MORC1: variants seen among roughly 807,000 people sequenced by gnomAD.
MORC1 encodes the protein MORC family CW-type zinc finger protein 1.
A neutral mutation model predicts 134.9 loss-of-function variants in MORC1; 59 were observed. The observed-to-expected ratio is 0.44, with a 90% CI of 0.35 to 0.54. The LOEUF (loss-of-function observed/expected upper bound fraction) is 0.54. MORC1 is among the 20% of genes least tolerant of loss of function. The pLI, the probability that MORC1 is intolerant of heterozygous loss-of-function variation, is 0.00. For missense variants in MORC1, 947 were observed against 1,134.5 expected (o/e 0.83, Z 2.37); for synonymous variants, 395 against 391.7 (o/e 1.01, Z -0.10).
At chr3:109,070,977 A>G (rs1282494670) in intron 8 of MORC1, among the ~76,000 whole-genome samples, 1 of 152,184 alleles carries the variant, frequency 6.6e-6, no homozygotes. Context: ...TTCCCTAAAT[A>G]TTAATACTAG....
chr3:109,086,623 T>C (rs1187725208), intron 8 of MORC1, among the ~76,000 whole-genome samples: 1 of 152,006 alleles, frequency 6.6e-6, no homozygotes, highest in Non-Finnish European at 1.5e-5. Flanking sequence ...AGTAAATAAA[T>C]ACTTGTCTAA....
intron 6 of MORC1, among the ~76,000 whole-genome samples, chr3:109,098,148 T>C (rs1950861973): frequency 6.6e-6 from 1 of 152,096 alleles, no homozygotes; most frequent in South Asian, 2.1e-4. Flanking sequence ...TGGGCTCAAG[T>C]GATCCTCCCT....
intron 4 of MORC1, among the ~76,000 whole-genome samples, chr3:109,102,140 G>T (rs73853813): frequency 0.043 from 6,547 of 152,278 alleles, 265 homozygotes; most frequent in African/African-American, 0.11. Context: ...GAATTAACAG[G>T]AACGTGGCCT....
chr3:109,043,285 T>C (rs956910028), intron 14 of MORC1, among the ~76,000 whole-genome samples: 10 of 151,960 alleles, frequency 6.6e-5, no homozygotes, highest in African/African-American at 2.2e-4. Flanking sequence ...GAGGACATTA[T>C]GCTAAGTGAA....
At chr3:109,054,923 T>C (rs370623266) in intron 13 of MORC1, 41 bp from the exon 14 acceptor site, 2 of 1,552,198 alleles carry the variant, frequency 1.3e-6, no homozygotes, top group Non-Finnish European at 1.7e-6. Flanking sequence ...AAAATTTGGC[T>C]AAAGAAAAAA....
chr3:109,004,443 A>C (rs1028887784), intron 20 of MORC1, among the ~76,000 whole-genome samples: 3 of 152,216 alleles, frequency 2.0e-5, no homozygotes, highest in Non-Finnish European at 2.9e-5. Flanking sequence ...TGCACCTAGC[A>C]CAGGGTAAAT....
chr3:108,983,657 G>C (rs1293103309), intron 23 of MORC1, among the ~76,000 whole-genome samples: 1 of 152,162 alleles, frequency 6.6e-6, no homozygotes, highest in Non-Finnish European at 1.5e-5. Context: ...TCAGATCACA[G>C]AATTTAACAA....
intron 17 of MORC1, among the ~76,000 whole-genome samples, chr3:109,011,709 C>T (rs371674818): frequency 2.6e-5 from 4 of 151,956 alleles, no homozygotes; most frequent in Admixed American, 1.3e-4. Context: ...TTAGCAGAGA[C>T]GGGGTTTCTC....
chr3:109,024,556 C>A (rs1305949955), intron 17 of MORC1, among the ~76,000 whole-genome samples: 2 of 152,102 alleles, frequency 1.3e-5, no homozygotes, highest in Non-Finnish European at 2.9e-5. Flanking sequence ...GATCAAGATG[C>A]CTGCTACCAT....
intron 20 of MORC1, among the ~76,000 whole-genome samples, chr3:109,003,423 ACACACACG>A (rs1270645514): frequency 3.5e-5 from 5 of 143,722 alleles, no homozygotes; most frequent in Admixed American, 1.4e-4. Context: ...ACACACACAC[ACACACACG>A]CATGCATACT....
chr3:109,078,009 G>T (rs1049851135), intron 8 of MORC1, among the ~76,000 whole-genome samples: 2 of 152,028 alleles, frequency 1.3e-5, no homozygotes, highest in African/African-American at 4.8e-5. Flanking sequence ...AGACACAGAC[G>T]GGCATTATGT....
chr3:109,106,796 C>T (rs1363581555), intron 3 of MORC1, among the ~76,000 whole-genome samples: 1 of 152,174 alleles, frequency 6.6e-6, no homozygotes, highest in East Asian at 1.9e-4. Context: ...ATCACAACAG[C>T]GCCCTACCTT....
chr3:109,051,280 A>G (rs1359012355), intron 14 of MORC1, among the ~76,000 whole-genome samples: 1 of 152,238 alleles, frequency 6.6e-6, no homozygotes, highest in African/African-American at 2.4e-5. Context: ...CCCTAAAAAC[A>G]CATCAGACTT....
chr3:109,052,583 G>C (rs547937393), intron 14 of MORC1, among the ~76,000 whole-genome samples: 1 of 152,240 alleles, frequency 6.6e-6, no homozygotes, highest in East Asian at 1.9e-4. Flanking sequence ...TTCCCACTGA[G>C]TTCCTACGCT....
chr3:109,117,917 C>A, intron 1 of MORC1, 78 bp downstream of exon 1: 1 of 1,180,022 alleles, frequency 8.5e-7, no homozygotes, highest in South Asian at 1.3e-5. Context: ...GCTGAGTATT[C>A]CTCAGGGGAC....
rs1947015696 is a variant in MORC1, at chr3:108,959,239, A to G, written c.2800-119T>C. ...CATGCTGCAACAAAAGCCACCTTAC[A>G]TTTGAATCATGCTTTTAACCTTTCA... On this transcript the variant is annotated intron_variant, in intron 27 of 27. Coordinates refer to ENST00000232603, the MANE Select transcript of MORC1 (RefSeq NM_014429.4). 4.0e-6 allele frequency: 3 copies of G among 744,628 alleles called. No homozygotes were observed. In the South Asian group the frequency reaches 6.8e-5, roughly 17 times the overall value. 46.1% of individuals were successfully genotyped at this position (744,628 alleles called of 1,614,324 possible).
At chr3:109,092,532 T>C (rs1950751845) in intron 8 of MORC1, among the ~76,000 whole-genome samples, 2 of 152,156 alleles carry the variant, frequency 1.3e-5, no homozygotes, top group South Asian at 4.1e-4. Context: ...GTGCTGTATG[T>C]TGCAACACAC....
intron 25 of MORC1, among the ~76,000 whole-genome samples, chr3:108,971,052 T>C (rs1256462562): frequency 6.6e-6 from 1 of 152,144 alleles, no homozygotes; most frequent in Non-Finnish European, 1.5e-5. Context: ...GAACAGAAAC[T>C]CTGTTTTTGG....
intron 20 of MORC1, among the ~76,000 whole-genome samples, chr3:109,003,764 G>A (rs2107529250): frequency 6.6e-6 from 1 of 152,212 alleles, no homozygotes; most frequent in South Asian, 2.1e-4. Flanking sequence ...ATTCAGCTTG[G>A]CTCATATAGT....
Sources: allele counts gnomAD v4.1 joint callset (sites outside exome capture counted in the v4.1 genomes callset), GRCh38; gene constraint gnomAD v4.1.1; transcripts MANE v1.5; gene names NCBI Gene and HGNC (gene_info 2026-07-23, HGNC 2026-07-21).